Variants in MPPED2 observed in about 807,000 individuals in gnomAD.
MPPED2 encodes the protein metallophosphoesterase domain containing 2.
Under a neutral mutation model 33.0 loss-of-function variants are expected in MPPED2, and 5 were observed. That is an observed-to-expected ratio of 0.15 (90% CI 0.08 to 0.32). The LOEUF (loss-of-function observed/expected upper bound fraction) is 0.32, where lower values mean the gene tolerates loss of function less well. Ranked by LOEUF, MPPED2 falls within the 10% of genes least tolerant of loss-of-function variation. The probability of loss-of-function intolerance (pLI) is 1.00; values close to 1 mark genes in which losing one functional copy is unlikely to be tolerated. For synonymous variants in MPPED2, 136 were observed against 141.9 expected, an observed-to-expected ratio of 0.96 and a Z score of 0.29; for missense variants, 275 against 372.1, an observed-to-expected ratio of 0.74 and a Z score of 2.15.
chr11:30,550,302 A>G (rs1272849045), intron 2 of MPPED2, among the ~76,000 whole-genome samples: 3 of 152,184 alleles, frequency 2.0e-5, no homozygotes, highest in African/African-American at 7.2e-5. Context: ...CTGCTGTAGC[A>G]TGTCATCTAT....
chr11:30,585,344 G>A (rs972344538), intron 1 of MPPED2, among the ~76,000 whole-genome samples: 6 of 151,990 alleles, frequency 3.9e-5, no homozygotes, highest in African/African-American at 1.2e-4. Context: ...TGGGGCGCGG[G>A]GACGGGGTGA....
At chr11:30,544,774 GGAA>G (rs1170148797) in intron 2 of MPPED2, among the ~76,000 whole-genome samples, 9 of 152,210 alleles carry the variant, frequency 5.9e-5, no homozygotes, top group African/African-American at 1.7e-4. Flanking sequence ...CTATGGGCTA[GGAA>G]GAAGGACAGG....
chr11:30,394,045 T>C (rs1272401634), intron 6 of MPPED2, among the ~76,000 whole-genome samples: 11 of 152,226 alleles, frequency 7.2e-5, no homozygotes. Context: ...TGAGACTGTC[T>C]TCTTTCACTC....
At chr11:30,390,504 G>A (rs975025513) in intron 6 of MPPED2, among the ~76,000 whole-genome samples, 5 of 152,180 alleles carry the variant, frequency 3.3e-5, no homozygotes, top group African/African-American at 7.2e-5. Context: ...AGGAGTTTAT[G>A]GTAATGGAGG....
rs1380016 is a variant in MPPED2, at chr11:30,508,887, G to A, written c.311-13366C>T. 4.6e-3 allele frequency among the ~76,000 whole-genome samples: 704 copies of A among 152,272 alleles called. 5 individuals carry two copies. The highest frequency in any genetic ancestry group is 0.012 in the South Asian group (59 of 4,828). On this transcript the variant is annotated intron_variant, in intron 3 of 6. Coordinates refer to ENST00000358117, the MANE Select transcript of MPPED2 (RefSeq NM_001584.3). The stretch of plus-strand genomic sequence containing the variant: ...CTAACGAGTTCTCTTTCTGCCACAT[G>A]ACTATGGACCTCAGGAGGGTTCGAA...
At chr11:30,421,054 G>A (rs996951234) in intron 4 of MPPED2, among the ~76,000 whole-genome samples, 5 of 152,154 alleles carry the variant, frequency 3.3e-5, no homozygotes, top group African/African-American at 4.8e-5. Flanking sequence ...TCATCTGGAC[G>A]TCTAATAAAG....
rs1461631431 is a variant in MPPED2, at chr11:30,410,884, A to T, written c.*584T>A. 3.0e-6 allele frequency: 3 copies of T among 985,624 alleles called. No homozygotes were observed. In the African/African-American group the frequency reaches 5.2e-5, roughly 17 times the overall value. The allele number at this position is 985,624 out of a possible 1,614,324, so 61.1% of individuals were successfully genotyped here. A position where few individuals can be genotyped will look rare whatever the true frequency, so the allele number is the denominator to read the frequency against. On this transcript the variant is annotated 3_prime_UTR_variant, in exon 7 of 7. Coordinates refer to ENST00000358117, the MANE Select transcript of MPPED2 (RefSeq NM_001584.3). ...CAATAGGAATCTCACTAGTTAAACC[A>T]TCCTTTAAATGACAGCCATTTTCTT...
chr11:30,498,178 C>G (rs1388951726), intron 3 of MPPED2, among the ~76,000 whole-genome samples: 1 of 151,928 alleles, frequency 6.6e-6, no homozygotes, highest in African/African-American at 2.4e-5. Context: ...AGGTGCCTGC[C>G]TTTTTCCATT....
At chr11:30,573,703 C>A (rs978988469) in intron 2 of MPPED2, among the ~76,000 whole-genome samples, 1 of 152,176 alleles carries the variant, frequency 6.6e-6, no homozygotes, top group South Asian at 2.1e-4. Flanking sequence ...TTGGGATATA[C>A]GTGGTTTTTG....
chr11:30,529,657 C>T (rs1305013625), intron 3 of MPPED2, among the ~76,000 whole-genome samples: 1 of 152,132 alleles, frequency 6.6e-6, no homozygotes, highest in African/African-American at 2.4e-5. Flanking sequence ...AAGGAATGCA[C>T]ATGTATAACA....
chr11:30,437,200 T>A (rs1949363556), intron 4 of MPPED2, among the ~76,000 whole-genome samples: 1 of 152,232 alleles, frequency 6.6e-6, no homozygotes, highest in Non-Finnish European at 1.5e-5. Flanking sequence ...ACCTAAACAC[T>A]AAGTTACCTA....
chr11:30,485,471 A>G (rs78383497), intron 4 of MPPED2, among the ~76,000 whole-genome samples: 11 of 151,810 alleles, frequency 7.2e-5, no homozygotes, highest in African/African-American at 2.4e-4. Context: ...CATGTGTAAC[A>G]AGGTAAATAA....
At chr11:30,405,770 C>CT (rs1394515928), downstream of MPPED2, among the ~76,000 whole-genome samples, 2 of 151,768 alleles carry the variant, frequency 1.3e-5, no homozygotes, top group East Asian at 1.9e-4. Context: ...GCCTTTTTTT[C>CT]TTTTTTTTCT....
At chr11:30,516,245 C>T (rs1467098587) in intron 3 of MPPED2, among the ~76,000 whole-genome samples, 1 of 152,088 alleles carries the variant, frequency 6.6e-6, no homozygotes, top group Non-Finnish European at 1.5e-5. Context: ...TAAGCTCGCT[C>T]CCTTCTAGAA....
chr11:30,416,635 TTATATGTG>T (rs1167984008), intron 5 of MPPED2, among the ~76,000 whole-genome samples: 1 of 152,118 alleles, frequency 6.6e-6, no homozygotes, highest in East Asian at 1.9e-4. Flanking sequence ...AGATTTCATG[TTATATGTG>T]TGTATGTGTG....
intron 3 of MPPED2, among the ~76,000 whole-genome samples, chr11:30,527,089 C>G (rs912995954): frequency 1.9e-4 from 29 of 151,698 alleles, no homozygotes; most frequent in Admixed American, 6.6e-4. Flanking sequence ...CCACGCCCAG[C>G]TAATTTTTTT....
intron 4 of MPPED2, among the ~76,000 whole-genome samples, chr11:30,432,469 C>G (rs1949124503): frequency 6.6e-6 from 1 of 151,876 alleles, no homozygotes; most frequent in African/African-American, 2.4e-5. Context: ...AACAAAACAG[C>G]CTAAGCTTGA....
chr11:30,520,292 A>G (rs914685407), intron 3 of MPPED2, among the ~76,000 whole-genome samples: 1 of 152,230 alleles, frequency 6.6e-6, no homozygotes, highest in African/African-American at 2.4e-5. Flanking sequence ...ATAGATCAAT[A>G]ATGCATGTTA....
At position 30,452,988 on chromosome 11, in the gene MPPED2, G is replaced by A. The variant is rs185234922; in HGVS notation, c.537-35355C>T. On this transcript the variant is annotated intron_variant, in intron 4 of 6. Transcript: ENST00000358117. The stretch of plus-strand genomic sequence containing the variant: ...CACATACTGCACCTTGCCCAAATGT[G>A]ACTTCCTGATGAAGTTAGCAGGCAT... 1.5e-3 allele frequency among the ~76,000 whole-genome samples: 224 copies of A among 152,256 alleles called. 3 individuals carry two copies. Among genetic ancestry groups the A allele is most frequent in the African/African-American group, 5.0e-3 (209 of 41,550 alleles).
Sources: allele counts gnomAD v4.1 joint callset (sites outside exome capture counted in the v4.1 genomes callset), GRCh38; gene constraint gnomAD v4.1.1; transcripts MANE v1.5; gene names NCBI Gene and HGNC (gene_info 2026-07-23, HGNC 2026-07-21).